ENY2: variants seen among roughly 807,000 people sequenced by gnomAD.
ENY2 encodes transcription and mRNA export factor ENY2.
Under a neutral mutation model 15.9 loss-of-function variants are expected in ENY2, and 4 were observed. The ratio of observed to expected loss-of-function variants is 0.25; its 90% CI spans 0.12 to 0.57. ENY2 has a LOEUF of 0.57. Among genes scored for constraint, ENY2 ranks in the 20% least tolerant of loss-of-function variants. ENY2 has a pLI of 0.91. For synonymous variants in ENY2, 48 were observed against 38.0 expected (o/e 1.26, Z -0.97); for missense variants, 54 against 117.2 (o/e 0.46, Z 2.49).
chr8:109,343,259 C>A, intron 4 of ENY2, 146 bp from the exon 5 acceptor site: 2 of 584,878 alleles, frequency 3.4e-6, no homozygotes, highest in Non-Finnish European at 5.8e-6. Context: ...TTTTCTTTGT[C>A]AGATAACTTT....
chr8:109,335,385 C>T (rs1815945629), intron 1 of ENY2: 1 of 132,284 alleles, frequency 7.6e-6, no homozygotes, highest in African/African-American at 2.9e-5. Flanking sequence ...TTTTTTGAGA[C>T]AGAGTCTTGC....
At position 109,340,490 on chromosome 8, in the gene ENY2, G is replaced by A; in HGVS notation, c.156G>A (p.Glu52=). The A allele has an allele frequency of 6.2e-7, 1 of 1,612,592 alleles. No homozygotes were observed. The highest frequency in any genetic ancestry group is 8.5e-7 in the Non-Finnish European group (1 of 1,179,018). ...WKDQLKAHCK[E]VIKEKGLEHV... ...ATTTGTTTTTTGCTTTTGCATAAGA[G>A]GTAATTAAAGAAAAAGGACTAGAAC... The change falls in exon 4 of 5, where the codon GAG becomes GAA. Residue 52 remains glutamate (E), a splice_region_variant and synonymous_variant. Transcript: ENST00000521688.
Position 109,344,663 on chromosome 8 carries a change from G to A in ENY2, c.*1182G>A, listed in dbSNP as rs1421550846. ...AGCTTACTGAAATGCTGATTCTGAA[G>A]ATAAGGGGCATGGCTTTAAGATTCT... On this transcript the variant is annotated 3_prime_UTR_variant, in exon 5 of 5. Coordinates refer to ENST00000521688, the MANE Select transcript of ENY2 (RefSeq NM_020189.6). 1 of 152,194 alleles carries A rather than the reference G, an allele frequency of 6.6e-6. No homozygotes were observed. The highest frequency in any genetic ancestry group is 1.5e-5 in the Non-Finnish European group (1 of 68,046). The allele number at this position is 152,194 out of a possible 1,614,324, so 9.4% of individuals were successfully genotyped here.
Position 109,334,376 on chromosome 8 carries a change from TC to T in ENY2, c.-92del. The T allele has an allele frequency of 6.3e-7, 1 of 1,582,308 alleles. No individual in the cohort carries two copies. Among genetic ancestry groups the T allele is most frequent in the Non-Finnish European group, 8.6e-7 (1 of 1,156,176 alleles). On this transcript the variant is annotated 5_prime_UTR_variant, in exon 1 of 5. Transcript: ENST00000521688. ...GCTTAGGTGCCCGAGCTACTGAGGGTCTAAGTCCGGGCAGCCGAAGAGTGTG... is the reference window on the plus strand; with the variant it reads ...GCTTAGGTGCCCGAGCTACTGAGGGTTAAGTCCGGGCAGCCGAAGAGTGTG...
Position 109,344,456 on chromosome 8 carries a change from C to T in ENY2, c.*975C>T, listed in dbSNP as rs529174803. 1 of 152,398 alleles carries T rather than the reference C, an allele frequency of 6.6e-6. No individual in the cohort carries two copies. Among genetic ancestry groups the T allele is most frequent in the South Asian group, 2.1e-4 (1 of 4,828 alleles). The allele number at this position is 152,398 out of a possible 1,614,324, so 9.4% of individuals were successfully genotyped here. Reference sequence around the variant, plus strand: ...TACAGGTTGATAAATGCTAAACTGTCTCCAAACCAGACTTCATCCTAGCCT... The same window carrying T: ...TACAGGTTGATAAATGCTAAACTGTTTCCAAACCAGACTTCATCCTAGCCT... On this transcript the variant is annotated 3_prime_UTR_variant, in exon 5 of 5. Coordinates refer to ENST00000521688, the MANE Select transcript of ENY2 (RefSeq NM_020189.6).
chr8:109,336,394 A>T (rs945280422), intron 2 of ENY2, 190 bp downstream of exon 2: 1 of 548,918 alleles, frequency 1.8e-6, no homozygotes. Flanking sequence ...GGAAGTGGTG[A>T]TGTAGAAAGA....
chr8:109,341,262 C>A (rs1196476362), intron 4 of ENY2, among the ~76,000 whole-genome samples: 1 of 152,224 alleles, frequency 6.6e-6, no homozygotes, highest in South Asian at 2.1e-4. Flanking sequence ...GTTGTTTTCT[C>A]ACACAGAAAT....
rs531674402 is a variant in ENY2 at position 109,337,202 on chromosome 8, T to C, written c.83+998T>C. Reference sequence around the variant, plus strand: ...AATGAGGTAGAAGATTATATAGGGTTGAAAATGGAAAACTCCAAAAATTGG... The same window carrying C: ...AATGAGGTAGAAGATTATATAGGGTCGAAAATGGAAAACTCCAAAAATTGG... On this transcript the variant is annotated intron_variant, in intron 2 of 4. Transcript: ENST00000521688. 7.2e-5 allele frequency among the ~76,000 whole-genome samples: 11 copies of C among 152,060 alleles called. No homozygotes were observed. In the South Asian group the frequency reaches 2.3e-3, roughly 32 times the overall value.
At chr8:109,339,468 T>C in intron 3 of ENY2, 78 bp downstream of exon 3, 2 of 1,132,992 alleles carry the variant, frequency 1.8e-6, no homozygotes, top group Non-Finnish European at 2.6e-6. Context: ...TATTTTAAGG[T>C]ATATTGAGTA....
chr8:109,341,522 G>C (rs1015039257), intron 4 of ENY2, among the ~76,000 whole-genome samples: 1 of 151,796 alleles, frequency 6.6e-6, no homozygotes, highest in Non-Finnish European at 1.5e-5. Context: ...TTTTGTTTTT[G>C]TTTTCTTCTG....
At chr8:109,340,416 C>T (rs1816087473) in intron 3 of ENY2, 73 bp from the exon 4 acceptor site, 4 of 1,585,846 alleles carry the variant, frequency 2.5e-6, no homozygotes, top group African/African-American at 1.4e-5. Context: ...TGATCTTAAC[C>T]CTTCCTCTAT....
At chr8:109,342,452 G>A (rs940337054) in intron 4 of ENY2, among the ~76,000 whole-genome samples, 1 of 148,382 alleles carries the variant, frequency 6.7e-6, no homozygotes, top group Non-Finnish European at 1.5e-5. Context: ...TATTATGTAT[G>A]TTTATATAGT....
rs537536067 is a variant in ENY2, at chr8:109,341,176, T to C, written c.229+613T>C. On this transcript the variant is annotated intron_variant, in intron 4 of 4. Transcript: ENST00000521688. ...TGTCAGGAGCTACATCATTGTTATC[T>C]TAGATATAACTACATTATTTTCATT... Among the ~76,000 whole-genome samples, 5 of 152,298 alleles carry C rather than the reference T, an allele frequency of 3.3e-5. No homozygotes were observed. The East Asian group carries it at 7.7e-4, about 23-fold the overall frequency.
Position 109,335,938 on chromosome 8 carries a change from A to C in ENY2, c.7-190A>C, listed in dbSNP as rs977996729. On this transcript the variant is annotated intron_variant, in intron 1 of 4. Coordinates refer to ENST00000521688, the MANE Select transcript of ENY2 (RefSeq NM_020189.6). ...AAATGTGATGTTTAAAAAAAAGCAA[A>C]CCCACACTGCATTAGCCCAGTGCCA... The C allele has an allele frequency of 6.7e-5, 29 of 429,824 alleles. No individual in the cohort carries two copies. In the South Asian group the frequency reaches 1.6e-3, roughly 24 times the overall value. The allele number at this position is 429,824 out of a possible 1,614,324, so 26.6% of individuals were successfully genotyped here.
In ENY2 at chr8:109,340,510, T is replaced by A; in HGVS notation, c.176T>A (p.Leu59Gln). 1.2e-6 allele frequency: 2 copies of A among 1,613,412 alleles called. No homozygotes were observed. The highest frequency in any genetic ancestry group is 1.7e-6 in the Non-Finnish European group (2 of 1,179,464). Residue 59 changes from leucine (L) to glutamine (Q), a missense_variant, in exon 4 of 5, where the codon CTA becomes CAA. Transcript: ENST00000521688. ...HCKEVIKEKG[L>Q]EHVTVDDLVA... ...TAAGAGGTAATTAAAGAAAAAGGACTAGAACACGTTACTGTTGATGACTTG... is the reference window on the plus strand; with the variant it reads ...TAAGAGGTAATTAAAGAAAAAGGACAAGAACACGTTACTGTTGATGACTTG...
rs1816197796 is a variant in ENY2, at chr8:109,344,706, C to G, written c.*1225C>G. On this transcript the variant is annotated 3_prime_UTR_variant, in exon 5 of 5. Transcript: ENST00000521688. ...AAGATTCTGTATTTCTGGCGAGTAC[C>G]CAACTGGTGCTCATGCTGCTGATTG... 1 of 152,178 alleles carries G rather than the reference C, an allele frequency of 6.6e-6. No homozygotes were observed. Among genetic ancestry groups the G allele is most frequent in the African/African-American group, 2.4e-5 (1 of 41,432 alleles). 9.4% of individuals were successfully genotyped at this position (152,178 alleles called of 1,614,324 possible).
chr8:109,344,122 TCTC>T lies in ENY2; in HGVS notation c.*643_*645del, dbSNP rs1314772084. On this transcript the variant is annotated 3_prime_UTR_variant, in exon 5 of 5. Coordinates refer to ENST00000521688, the MANE Select transcript of ENY2 (RefSeq NM_020189.6). ...CAAGAAAGAACTTAATGGGAATTAA[TCTC>T]CACCCATTAGCTTTACCCTGACATC... The T allele has an allele frequency of 6.6e-6, 1 of 152,134 alleles. No individual in the cohort carries two copies. The highest frequency in any genetic ancestry group is 1.5e-5 in the Non-Finnish European group (1 of 68,042). 9.4% of individuals were successfully genotyped at this position (152,134 alleles called of 1,614,324 possible).
rs1816183666 is a variant in ENY2, at chr8:109,344,191, G to A, written c.*710G>A. On this transcript the variant is annotated 3_prime_UTR_variant, in exon 5 of 5. Coordinates refer to ENST00000521688, the MANE Select transcript of ENY2 (RefSeq NM_020189.6). The stretch of plus-strand genomic sequence containing the variant: ...AATGGACTCTTGTCTATTCTTACGT[G>A]ACTTCTGCTGGAAAATGCGAATGTT... 1 of 152,228 alleles carries A rather than the reference G, an allele frequency of 6.6e-6. No individual in the cohort carries two copies. Among genetic ancestry groups the A allele is most frequent in the Non-Finnish European group, 1.5e-5 (1 of 68,070 alleles). 9.4% of individuals were successfully genotyped at this position (152,228 alleles called of 1,614,324 possible).
chr8:109,342,600 C>A, intron 4 of ENY2: 1 of 635,510 alleles, frequency 1.6e-6, no homozygotes, highest in Non-Finnish European at 2.8e-6. Context: ...CCGGATCTCC[C>A]AGGCTTAAGT....
Sources: gnomAD v4.1 joint callset for allele counts (sites outside exome capture counted in the v4.1 genomes callset) on GRCh38, gnomAD v4.1.1 for gene constraint, MANE v1.5 for transcripts, NCBI Gene and HGNC (gene_info 2026-07-23, HGNC 2026-07-21) for gene names.